AGAP1: variants seen among roughly 807,000 people sequenced by gnomAD.
AGAP1 encodes arf-GAP with GTPase, ANK repeat and PH domain-containing protein 1.
A neutral mutation model predicts 105.3 loss-of-function variants in AGAP1; 29 were observed. The observed-to-expected ratio is 0.28, with a 90% CI of 0.21 to 0.38. The LOEUF (loss-of-function observed/expected upper bound fraction) is 0.38. Among genes scored for constraint, AGAP1 ranks in the 10% least tolerant of loss-of-function variants. The pLI, the probability that AGAP1 is intolerant of heterozygous loss-of-function variation, is 1.00. For missense variants in AGAP1, 998 were observed against 1,165.1 expected, an observed-to-expected ratio of 0.86 and a Z score of 2.09; for synonymous variants, 509 against 485.9, an observed-to-expected ratio of 1.05 and a Z score of -0.63.
chr2:236,124,075 A>G lies in AGAP1; in HGVS notation c.2527A>G (p.Asn843Asp), dbSNP rs1176415709. Residue 843 changes from asparagine (N) to aspartate (D), a missense_variant, in exon 18 of 18, where the codon AAC becomes GAC. By Grantham distance (23) the Asn-to-Asp change is conservative. Coordinates refer to ENST00000304032, the MANE Select transcript of AGAP1 (RefSeq NM_001037131.3). The surrounding 1 kb of genome is among the most constrained non-coding windows in gnomAD (Gnocchi z 5.1). The part of the protein sequence containing the change: ...LMATPNLSRR[N>D]NNRNNSSGRV... The stretch of plus-strand genomic sequence containing the variant: ...GGCCACCCCTAACCTGTCCAGGAGA[A>G]ACAATAACCGGAACAACAGCAGTGG... 1.9e-6 allele frequency: 3 copies of G among 1,614,102 alleles called. No homozygotes were observed. Among genetic ancestry groups the G allele is most frequent in the Admixed American group, 3.3e-5 (2 of 60,022 alleles).
At chr2:235,630,893 T>C (rs757291483) in intron 1 of AGAP1, among the ~76,000 whole-genome samples, 5 of 152,130 alleles carry the variant, frequency 3.3e-5, no homozygotes, top group African/African-American at 7.2e-5. Flanking sequence ...CCGTTGCGGG[T>C]CTGCATAATG....
rs1283261657 is a variant in AGAP1, at chr2:236,113,027, A to G, written c.2115-7165A>G. Among the ~76,000 whole-genome samples, 1 of 152,276 alleles carries G rather than the reference A, an allele frequency of 6.6e-6. No individual in the cohort carries two copies. Among genetic ancestry groups the G allele is most frequent in the Non-Finnish European group, 1.5e-5 (1 of 68,056 alleles). On this transcript the variant is annotated intron_variant, in intron 16 of 17. Transcript: ENST00000304032. This position sits in a 1 kb window ranked among gnomAD's most constrained non-coding sequence, Gnocchi z 4.3. ...TGTTTTTCCCCTTTTGAAACTTGCAATAAAATCTACCTGTCTCTTCTTTCC... is the reference window on the plus strand; with the variant it reads ...TGTTTTTCCCCTTTTGAAACTTGCAGTAAAATCTACCTGTCTCTTCTTTCC...
At chr2:235,512,630 C>A (rs895980098) in intron 1 of AGAP1, among the ~76,000 whole-genome samples, 2 of 152,120 alleles carry the variant, frequency 1.3e-5, no homozygotes, top group African/African-American at 4.8e-5. Flanking sequence ...TCAATCCATG[C>A]GCGTCCTCCC....
At chr2:236,004,660 A>G (rs13427663) in intron 13 of AGAP1, among the ~76,000 whole-genome samples, 2,891 of 152,306 alleles carry the variant, frequency 0.019, 83 homozygotes, top group African/African-American at 0.066. Context: ...TTAGTTAGCA[A>G]ACATACTTTG....
At chr2:235,779,705 T>G (rs1956140241) in intron 6 of AGAP1, among the ~76,000 whole-genome samples, 1 of 152,224 alleles carries the variant, frequency 6.6e-6, no homozygotes, top group South Asian at 2.1e-4. Context: ...ACCTACAGGC[T>G]TTGCAGACTG....
In AGAP1 at chr2:236,020,395, C is replaced by T. The variant is rs980574343; in HGVS notation, c.1646-16166C>T. ...CATAGGGGGGAATTTAGAAATGAAA[C>T]TTAACCTGTTATCTAGACTTTTAAA... On this transcript the variant is annotated intron_variant, in intron 13 of 17. Transcript: ENST00000304032. The surrounding 1 kb of genome is among the most constrained non-coding windows in gnomAD (Gnocchi z 5.0). 1.3e-5 allele frequency among the ~76,000 whole-genome samples: 2 copies of T among 152,200 alleles called. No individual in the cohort carries two copies. The highest frequency in any genetic ancestry group is 4.8e-5 in the African/African-American group (2 of 41,450).
chr2:235,561,699 TTAAA>T, intron 1 of AGAP1, among the ~76,000 whole-genome samples: 1 of 152,216 alleles, frequency 6.6e-6, no homozygotes, highest in East Asian at 1.9e-4. Flanking sequence ...ATCTGTAAAC[TTAAA>T]TAGAGGCCCA....
Position 235,635,489 on chromosome 2 carries a change from A to G in AGAP1, c.164-73690A>G, listed in dbSNP as rs576782126. ...AATTCGTTCTTTTATTCATCATCCA[A>G]AAAGTTCCATTGTTTGAGATGATTC... On this transcript the variant is annotated intron_variant, in intron 1 of 17. Transcript: ENST00000304032. This position sits in a 1 kb window ranked among gnomAD's most constrained non-coding sequence, Gnocchi z 5.3. Among the ~76,000 whole-genome samples the G allele has an allele frequency of 6.6e-6, 1 of 152,322 alleles. No homozygotes were observed. Among genetic ancestry groups the G allele is most frequent in the African/African-American group, 2.4e-5 (1 of 41,560 alleles).
intron 1 of AGAP1, among the ~76,000 whole-genome samples, chr2:235,681,802 G>A (rs540216308): frequency 2.6e-4 from 38 of 148,344 alleles, no homozygotes; most frequent in African/African-American, 8.2e-4. Flanking sequence ...TGTTTTTCAC[G>A]TGTGTATACC....
rs1313278535 is a variant in AGAP1, at chr2:235,620,362, G to C, written c.164-88817G>C. On this transcript the variant is annotated intron_variant, in intron 1 of 17. Transcript: ENST00000304032. The surrounding 1 kb of genome is among the most constrained non-coding windows in gnomAD (Gnocchi z 4.5). ...GCCCAGCAGCCAGGGGCATCCCTGA[G>C]AAGCCGGGTCAGAGTGTGATGCCCT... Among the ~76,000 whole-genome samples the C allele has an allele frequency of 6.6e-6, 1 of 152,178 alleles. No individual in the cohort carries two copies. Among genetic ancestry groups the C allele is most frequent in the Non-Finnish European group, 1.5e-5 (1 of 68,046 alleles).
rs1946895507 is a variant in AGAP1 at position 235,633,522 on chromosome 2, G to C, written c.164-75657G>C. Among the ~76,000 whole-genome samples the C allele has an allele frequency of 6.6e-6, 1 of 152,174 alleles. No individual in the cohort carries two copies. The stretch of plus-strand genomic sequence containing the variant: ...GCAGGAGAATCCCTCGAACCCAGGA[G>C]GAGGAGGTTGCAGTGAGTCAAGATC... On this transcript the variant is annotated intron_variant, in intron 1 of 17. Coordinates refer to ENST00000304032, the MANE Select transcript of AGAP1 (RefSeq NM_001037131.3). This position sits in a 1 kb window ranked among gnomAD's most constrained non-coding sequence, Gnocchi z 4.8.
At chr2:235,921,052 C>A (rs1316310846) in intron 11 of AGAP1, among the ~76,000 whole-genome samples, 3 of 152,130 alleles carry the variant, frequency 2.0e-5, no homozygotes, top group Non-Finnish European at 2.9e-5. Context: ...TAATTAGCAA[C>A]ATATATCATG....
intron 3 of AGAP1, among the ~76,000 whole-genome samples, chr2:235,730,171 A>G (rs916792207): frequency 7.2e-5 from 11 of 152,148 alleles, no homozygotes; most frequent in Non-Finnish European, 1.6e-4. Context: ...AAGAGAGTTC[A>G]TGTAAAGCCG....
rs2056224133 is a variant in AGAP1 at position 236,003,852 on chromosome 2, G to T, written c.1646-32709G>T. Among the ~76,000 whole-genome samples, 1 of 151,452 alleles carries T rather than the reference G, an allele frequency of 6.6e-6. No homozygotes were observed. Among genetic ancestry groups the T allele is most frequent in the Admixed American group, 6.6e-5 (1 of 15,200 alleles). ...ATAAATATGTAACTTTTTTTCCAAA[G>T]AACTTAAAATGAAAGAATATGAGAA... is the stretch of plus-strand genomic sequence containing the variant. On this transcript the variant is annotated intron_variant, in intron 13 of 17. Transcript: ENST00000304032. This position sits in a 1 kb window ranked among gnomAD's most constrained non-coding sequence, Gnocchi z 4.2.
chr2:235,768,002 G>A (rs945994293), intron 6 of AGAP1, among the ~76,000 whole-genome samples: 1 of 152,154 alleles, frequency 6.6e-6, no homozygotes, highest in Admixed American at 6.5e-5. Context: ...GGCCAGGCTG[G>A]TTTCGAACTC....
intron 9 of AGAP1, among the ~76,000 whole-genome samples, chr2:235,821,206 GGATGTACA>G (rs1166154730): frequency 1.1e-4 from 17 of 152,146 alleles, no homozygotes; most frequent in Admixed American, 7.9e-4. Flanking sequence ...AATAGTACCA[GGATGTACA>G]GCCATTAAAA....
chr2:235,774,538 A>G, intron 6 of AGAP1: 3 of 331,562 alleles, frequency 9.0e-6, no homozygotes, highest in South Asian at 7.1e-5. Context: ...GCTGATAGGA[A>G]AGCGATCAAG....
chr2:235,544,724 C>T (rs912204593), intron 1 of AGAP1, among the ~76,000 whole-genome samples: 18 of 152,162 alleles, frequency 1.2e-4, no homozygotes, highest in Admixed American at 1.1e-3. Context: ...ACAGGAAGCC[C>T]TTCGCCTGAG....
At position 236,020,888 on chromosome 2, in the gene AGAP1, G is replaced by A. The variant is rs149815236; in HGVS notation, c.1646-15673G>A. 2.1e-4 allele frequency among the ~76,000 whole-genome samples: 32 copies of A among 152,196 alleles called. No homozygotes were observed. The highest frequency in any genetic ancestry group is 6.3e-4 in the African/African-American group (26 of 41,536). On this transcript the variant is annotated intron_variant, in intron 13 of 17. Coordinates refer to ENST00000304032, the MANE Select transcript of AGAP1 (RefSeq NM_001037131.3). The surrounding 1 kb of genome is among the most constrained non-coding windows in gnomAD (Gnocchi z 5.0). ...AACTAAGAACTAATGCAGGTAGGCC[G>A]GGCACAGTGGCTCACACCTATAATC...
Sources: gnomAD v4.1 joint callset for allele counts (sites outside exome capture counted in the v4.1 genomes callset) on GRCh38, gnomAD v4.1.1 for gene constraint, Gnocchi (gnomAD v3.1) non-coding constraint, MANE v1.5 for transcripts, NCBI Gene and HGNC (gene_info 2026-07-23, HGNC 2026-07-21) for gene names.